HMCN1: variants seen among roughly 807,000 people sequenced by gnomAD.
The protein encoded by HMCN1 is hemicentin 1.
HMCN1 carries 321 observed loss-of-function variants against 625.9 expected under a neutral mutation model. The ratio of observed to expected loss-of-function variants is 0.51; its 90% CI spans 0.47 to 0.56. HMCN1 has a LOEUF of 0.56. Among genes scored for constraint, HMCN1 ranks in the 20% least tolerant of loss-of-function variants. HMCN1 has a pLI of 0.00. For synonymous variants in HMCN1, 2,425 were observed against 2,417.6 expected, an observed-to-expected ratio of 1.00 and a Z score of -0.09; for missense variants, 6,588 against 6,887.3, an observed-to-expected ratio of 0.96 and a Z score of 1.54.
At chr1:185,754,524 T>A (rs1655013763) in intron 1 of HMCN1, among the ~76,000 whole-genome samples, 1 of 152,194 alleles carries the variant, frequency 6.6e-6, no homozygotes, top group African/African-American at 2.4e-5. Context: ...TTTAAACATT[T>A]TGAGTGTGTT....
chr1:185,779,898 C>T (rs1442873397), intron 1 of HMCN1, among the ~76,000 whole-genome samples: 3 of 152,146 alleles, frequency 2.0e-5, no homozygotes, highest in African/African-American at 7.2e-5. Flanking sequence ...TCATTGGTAG[C>T]TTGATGGGGA....
rs570884458 is a variant in HMCN1, at chr1:185,735,142, C to A, written c.268+95C>A. On this transcript the variant is annotated intron_variant, in intron 1 of 106. Transcript: ENST00000271588. The stretch of plus-strand genomic sequence containing the variant: ...AATTGTTTGTCAGGAAGTTTCAAAA[C>A]CATTTTAAAAAAATGTGCAGCTGAA... The A allele has an allele frequency of 4.1e-5, 57 of 1,387,626 alleles. No individual in the cohort carries two copies. In the African/African-American group the frequency reaches 7.5e-4, roughly 18 times the overall value. 86.0% of individuals were successfully genotyped at this position (1,387,626 alleles called of 1,614,324 possible).
intron 1 of HMCN1, among the ~76,000 whole-genome samples, chr1:185,835,252 G>A (rs1661096124): frequency 6.6e-6 from 1 of 152,232 alleles, no homozygotes; most frequent in Non-Finnish European, 1.5e-5. Context: ...TTGAAACCCT[G>A]TGTGTGCTAT....
rs1325804736 is a variant in HMCN1, at chr1:186,128,168, A to C, written c.12781A>C (p.Thr4261Pro). ...CAGCCTGACTGTGCATGTTCTCCCC[A>C]CTTTTACTGAACTTCCTGGAGACGT... ...TVSLTVHVLP[T>P]FTELPGDVSL... The change falls in exon 83 of 107, where the codon ACT (threonine) becomes CCT (proline). Residue 4261 changes from threonine (T) to proline (P), a missense_variant. Coordinates refer to ENST00000271588, the MANE Select transcript of HMCN1 (RefSeq NM_031935.3). 1 of 1,613,564 alleles carries C rather than the reference A, an allele frequency of 6.2e-7. No homozygotes were observed. Among genetic ancestry groups the C allele is most frequent in the Non-Finnish European group, 8.5e-7 (1 of 1,179,774 alleles).
chr1:186,057,923 T>G lies in HMCN1; in HGVS notation c.7312+522T>G, dbSNP rs906210196. On this transcript the variant is annotated intron_variant, in intron 46 of 106. Transcript: ENST00000271588. ...GGGAAAATCTAAATAGCTTGTCATT[T>G]GTGGATCAATATAAGCGTAGAGAGA... Among the ~76,000 whole-genome samples the G allele has an allele frequency of 6.6e-5, 10 of 152,158 alleles. 1 individual carries two copies. In the South Asian group the frequency reaches 1.0e-3, roughly 16 times the overall value.
chr1:185,863,473 T>A (rs190064250), intron 2 of HMCN1, among the ~76,000 whole-genome samples: 1 of 152,342 alleles, frequency 6.6e-6, no homozygotes, highest in East Asian at 1.9e-4. Flanking sequence ...AGCACTAATA[T>A]TTCAACAGCA....
At chr1:186,054,231 A>G (rs774152291) in intron 44 of HMCN1, among the ~76,000 whole-genome samples, 8 of 151,956 alleles carry the variant, frequency 5.3e-5, no homozygotes, top group Non-Finnish European at 1.0e-4. Flanking sequence ...ATGTGGCTGT[A>G]ATTTTGTTGG....
intron 21 of HMCN1, 31 bp from the exon 22 acceptor site, chr1:185,990,244 G>C: frequency 1.3e-6 from 2 of 1,598,354 alleles, no homozygotes; most frequent in South Asian, 2.2e-5. Flanking sequence ...TCAATATACT[G>C]TTTCCCTTCC....
intron 10 of HMCN1, among the ~76,000 whole-genome samples, chr1:185,930,841 T>C (rs1192568491): frequency 6.6e-6 from 1 of 151,940 alleles, no homozygotes; most frequent in Admixed American, 6.6e-5. Context: ...GGTAGTTTAG[T>C]TTGATACTAA....
intron 1 of HMCN1, among the ~76,000 whole-genome samples, chr1:185,837,561 C>A (rs1262089392): frequency 6.6e-6 from 1 of 151,646 alleles, no homozygotes; most frequent in Admixed American, 6.6e-5. Flanking sequence ...ATATTTATTT[C>A]TGTCAGTATT....
At position 186,137,848 on chromosome 1, in the gene HMCN1, G is replaced by A. The variant is rs759992239; in HGVS notation, c.13800G>A (p.Arg4600=). Residue 4600 remains arginine (R), a synonymous_variant, in exon 89 of 107, where the codon AGG becomes AGA. Transcript: ENST00000271588. Reference sequence around the variant, plus strand: ...GGAGTCTTTGGGAAGAATGCACAAGGAGCTGTGGACGCGGCAACCAAACCA... The same window carrying A: ...GGAGTCTTTGGGAAGAATGCACAAGAAGCTGTGGACGCGGCAACCAAACCA... The part of the protein sequence containing the change: ...SEWSLWEECT[R]SCGRGNQTRT... 11 of 1,613,964 alleles carry A rather than the reference G, an allele frequency of 6.8e-6. No individual in the cohort carries two copies. The African/African-American group carries it at 1.2e-4, about 18-fold the overall frequency.
chr1:185,860,262 C>T (rs1662782576), intron 2 of HMCN1, among the ~76,000 whole-genome samples: 1 of 151,936 alleles, frequency 6.6e-6, no homozygotes, highest in Admixed American at 6.6e-5. Flanking sequence ...CTCCTGAGAA[C>T]ACTTATAATC....
chr1:185,886,394 T>G (rs1183457939), intron 4 of HMCN1, among the ~76,000 whole-genome samples: 1 of 152,112 alleles, frequency 6.6e-6, no homozygotes, highest in Non-Finnish European at 1.5e-5. Flanking sequence ...GTTAGGTGTT[T>G]AAGAAACTTT....
chr1:186,005,285 A>G (rs530779601), intron 29 of HMCN1, among the ~76,000 whole-genome samples: 4 of 143,826 alleles, frequency 2.8e-5, no homozygotes, highest in African/African-American at 7.8e-5. Context: ...ATGTTTATAA[A>G]CAAATTTTTA....
At chr1:185,864,732 CTA>C in intron 3 of HMCN1, 104 bp downstream of exon 3, 1 of 1,011,004 alleles carries the variant, frequency 9.9e-7, no homozygotes. Context: ...ATAATTATAA[CTA>C]TCTATCCACA....
intron 1 of HMCN1, among the ~76,000 whole-genome samples, chr1:185,754,454 C>T (rs562961356): frequency 3.9e-5 from 6 of 151,920 alleles, no homozygotes; most frequent in Non-Finnish European, 8.8e-5. Context: ...CAAACATATA[C>T]GTATTTTTTT....
At chr1:186,174,777 T>G in intron 103 of HMCN1, 135 bp downstream of exon 103, 2 of 788,912 alleles carry the variant, frequency 2.5e-6, no homozygotes. Context: ...TTGATTTACG[T>G]CATTCAACAC....
At chr1:185,968,696 G>A (rs1284456069) in intron 14 of HMCN1, among the ~76,000 whole-genome samples, 1 of 151,906 alleles carries the variant, frequency 6.6e-6, no homozygotes, top group East Asian at 1.9e-4. Flanking sequence ...GTAGAAAAAA[G>A]AGAACTCTCC....
chr1:186,102,698 C>T (rs1027774036), intron 68 of HMCN1, among the ~76,000 whole-genome samples: 2 of 152,098 alleles, frequency 1.3e-5, no homozygotes, highest in Admixed American at 6.6e-5. Context: ...TAACCCCTGG[C>T]GCTGTCCAAC....
Sources: gnomAD v4.1 joint callset for allele counts (sites outside exome capture counted in the v4.1 genomes callset) on GRCh38, gnomAD v4.1.1 for gene constraint, MANE v1.5 for transcripts, NCBI Gene and HGNC (gene_info 2026-07-23, HGNC 2026-07-21) for gene names.